Variants in SLC12A6 observed in about 807,000 individuals in gnomAD.
The protein encoded by SLC12A6 is solute carrier family 12 member 6.
In SLC12A6, 66 loss-of-function variants were observed where a neutral mutation model predicts 135.3. The observed-to-expected ratio is 0.49, with a 90% CI of 0.40 to 0.60. The LOEUF is 0.60. Ranked by LOEUF, SLC12A6 falls within the 20% of genes least tolerant of loss-of-function variation. SLC12A6 has a pLI of 0.00. For missense variants in SLC12A6, 1,058 were observed against 1,452.3 expected, an observed-to-expected ratio of 0.73 and a Z score of 4.41; for synonymous variants, 513 against 508.8, an observed-to-expected ratio of 1.01 and a Z score of -0.11.
At chr15:34,252,840 C>T (rs987558497) in intron 9 of SLC12A6, among the ~76,000 whole-genome samples, 1 of 152,150 alleles carries the variant, frequency 6.6e-6, no homozygotes, top group Admixed American at 6.5e-5. Flanking sequence ...AAGTAAAAAG[C>T]ACTCCTCTTT....
chr15:34,303,796 A>T (rs1466287584), intron 2 of SLC12A6, among the ~76,000 whole-genome samples: 2 of 152,170 alleles, frequency 1.3e-5, no homozygotes, highest in Non-Finnish European at 2.9e-5. Context: ...AGATGCAGCA[A>T]GAAGGCCCTC....
intron 4 of SLC12A6, 51 bp downstream of exon 4, chr15:34,260,875 T>C: frequency 1.2e-6 from 1 of 832,352 alleles, no homozygotes; most frequent in Non-Finnish European, 2.1e-6. Context: ...ATGGCTATCA[T>C]GAGATCTCTG....
chr15:34,315,456 A>G (rs867522197), intron 2 of SLC12A6, among the ~76,000 whole-genome samples: 79 of 152,224 alleles, frequency 5.2e-4, no homozygotes, highest in African/African-American at 1.8e-3. Context: ...GAATGGTAGT[A>G]CATGCCTGTA....
At chr15:34,314,150 C>T (rs902498654) in intron 2 of SLC12A6, among the ~76,000 whole-genome samples, 13 of 151,286 alleles carry the variant, frequency 8.6e-5, no homozygotes, top group Non-Finnish European at 1.3e-4. Context: ...TGGGTTCAAG[C>T]GATCCTCCTG....
chr15:34,335,258 T>C (rs942016663), intron 2 of SLC12A6, among the ~76,000 whole-genome samples: 7 of 152,312 alleles, frequency 4.6e-5, no homozygotes, highest in East Asian at 3.9e-4. Context: ...TAGTCAAGGA[T>C]GAGTGAATTC....
At chr15:34,262,356 G>A (rs960161186) in intron 3 of SLC12A6, among the ~76,000 whole-genome samples, 21 of 152,024 alleles carry the variant, frequency 1.4e-4, no homozygotes, top group African/African-American at 4.3e-4. Context: ...GACCACCCTC[G>A]CATGCCCTCT....
intron 13 of SLC12A6, among the ~76,000 whole-genome samples, chr15:34,248,381 G>A (rs73388049): frequency 0.11 from 16,163 of 152,162 alleles, 969 homozygotes; most frequent in East Asian, 0.3. Context: ...TGGAAATGCT[G>A]AGTCATAGGT....
At chr15:34,270,784 C>T (rs1893862361) in intron 3 of SLC12A6, among the ~76,000 whole-genome samples, 2 of 145,956 alleles carry the variant, frequency 1.4e-5, no homozygotes, top group Admixed American at 1.4e-4. Context: ...GCCTGGGTGA[C>T]AGAGCAAGAT....
Position 34,230,431 on chromosome 15 carries a change from A to G in SLC12A6, c.*3450T>C, listed in dbSNP as rs1347583450. The G allele has an allele frequency of 6.6e-6, 1 of 152,662 alleles. No homozygotes were observed. Among genetic ancestry groups the G allele is most frequent in the African/African-American group, 2.4e-5 (1 of 41,476 alleles). 9.5% of individuals were successfully genotyped at this position (152,662 alleles called of 1,614,324 possible). A position where few individuals can be genotyped will look rare whatever the true frequency, so the allele number is the denominator to read the frequency against. On this transcript the variant is annotated 3_prime_UTR_variant, in exon 26 of 26. Transcript: ENST00000354181. ...CCTTGGGCCACAGGAATCTGAGGCAACGGAAGATATATAGAGTGATCGTCC... is the reference window on the plus strand; with the variant it reads ...CCTTGGGCCACAGGAATCTGAGGCAGCGGAAGATATATAGAGTGATCGTCC...
chr15:34,286,853 T>G (rs1246729229), intron 2 of SLC12A6, among the ~76,000 whole-genome samples: 1 of 152,166 alleles, frequency 6.6e-6, no homozygotes, highest in African/African-American at 2.4e-5. Context: ...TCACAAGATA[T>G]GTACTCATAC....
At chr15:34,235,431 ATTTTT>A (rs371322623) in intron 24 of SLC12A6, 117 bp from the exon 25 acceptor site, 130 of 502,922 alleles carry the variant, frequency 2.6e-4, no homozygotes, top group Non-Finnish European at 3.0e-4. Context: ...TGATAAAATG[ATTTTT>A]TTTTTTTTTT....
chr15:34,309,443 A>T (rs935062638), intron 2 of SLC12A6, among the ~76,000 whole-genome samples: 1 of 152,180 alleles, frequency 6.6e-6, no homozygotes, highest in African/African-American at 2.4e-5. Context: ...ATCAGTTGAA[A>T]TCTGGTGTAT....
intron 2 of SLC12A6, among the ~76,000 whole-genome samples, chr15:34,300,579 T>C (rs993280031): frequency 1.3e-5 from 2 of 151,814 alleles, no homozygotes; most frequent in African/African-American, 4.8e-5. Flanking sequence ...AGAGGATCAC[T>C]TGAGCCCAGA....
intron 2 of SLC12A6, among the ~76,000 whole-genome samples, chr15:34,294,245 C>T (rs1010300777): frequency 6.6e-6 from 1 of 152,050 alleles, no homozygotes; most frequent in East Asian, 1.9e-4. Context: ...CTTCCACCCC[C>T]ACCTTGAGAC....
chr15:34,301,659 C>T (rs554578638), intron 2 of SLC12A6, among the ~76,000 whole-genome samples: 3 of 152,210 alleles, frequency 2.0e-5, no homozygotes, highest in South Asian at 2.1e-4. Flanking sequence ...ACTTAGCAAT[C>T]GTCTCTTTGA....
intron 19 of SLC12A6, among the ~76,000 whole-genome samples, chr15:34,240,106 C>T (rs569817285): frequency 2.0e-5 from 3 of 152,074 alleles, no homozygotes; most frequent in Non-Finnish European, 2.9e-5. Flanking sequence ...CCCCTCCCCC[C>T]ACAGTAAAAC....
At chr15:34,289,608 C>T (rs1895370630) in intron 2 of SLC12A6, among the ~76,000 whole-genome samples, 1 of 152,132 alleles carries the variant, frequency 6.6e-6, no homozygotes, top group Non-Finnish European at 1.5e-5. Context: ...CCTTCTGGTC[C>T]TGGACTTTTT....
At chr15:34,268,309 TAGA>T (rs899625887) in intron 3 of SLC12A6, among the ~76,000 whole-genome samples, 2 of 152,156 alleles carry the variant, frequency 1.3e-5, no homozygotes, top group South Asian at 2.1e-4. Context: ...TTTAGAAAGG[TAGA>T]AGAATATCCC....
intron 19 of SLC12A6, among the ~76,000 whole-genome samples, 178 bp downstream of exon 19, chr15:34,240,483 A>G (rs1423933097): frequency 1.3e-5 from 2 of 152,210 alleles, no homozygotes; most frequent in Non-Finnish European, 2.9e-5. Flanking sequence ...GAAATAATAA[A>G]TAACTATTTT....
Sources: gnomAD v4.1 joint callset for allele counts (sites outside exome capture counted in the v4.1 genomes callset) on GRCh38, gnomAD v4.1.1 for gene constraint, MANE v1.5 for transcripts, NCBI Gene and HGNC (gene_info 2026-07-23, HGNC 2026-07-21) for gene names.